TSPAN5: variants seen among roughly 807,000 people sequenced by gnomAD.
TSPAN5 encodes the protein tetraspanin 5, also known as tetraspanin-5.
A neutral mutation model predicts 37.1 loss-of-function variants in TSPAN5; 10 were observed. That is an observed-to-expected ratio of 0.27 (90% CI 0.17 to 0.46). The LOEUF (loss-of-function observed/expected upper bound fraction) is 0.46, where lower values mean the gene tolerates loss of function less well. Ranked by LOEUF, TSPAN5 falls within the 20% of genes least tolerant of loss-of-function variation. The pLI, the probability that TSPAN5 is intolerant of heterozygous loss-of-function variation, is 1.00. For synonymous variants in TSPAN5, 110 were observed against 118.9 expected, an observed-to-expected ratio of 0.93 and a Z score of 0.48; for missense variants, 195 against 326.6, an observed-to-expected ratio of 0.60 and a Z score of 3.11.
At position 98,658,130 on chromosome 4, in the gene TSPAN5, G is replaced by C. The variant is rs1757330484; in HGVS notation, c.81+16C>G. The C allele has an allele frequency of 6.2e-7, 1 of 1,605,426 alleles. No individual in the cohort carries two copies. The highest frequency in any genetic ancestry group is 2.2e-5 in the East Asian group (1 of 44,832). On this transcript the variant is annotated intron_variant, in intron 1 of 7. Coordinates refer to ENST00000305798, the MANE Select transcript of TSPAN5 (RefSeq NM_005723.4). ...TCGGCCACAATAGTTGGAATCCCAG[G>C]AGCGCTCCAACTTACCCAAAATATG...
chr4:98,533,541 A>ATTTTTTTTTTTTTTTTTT (rs1754149539), intron 1 of TSPAN5, among the ~76,000 whole-genome samples: 1 of 33,414 alleles, frequency 3.0e-5, no homozygotes, highest in African/African-American at 2.4e-4. Flanking sequence ...TATCCCCTAT[A>ATTTTTTTTTTTTTTTTTT]TCTTTTTTTT....
At chr4:98,626,886 G>GTTTTTTTTTTTTTTTTT (rs34770397) in intron 1 of TSPAN5, among the ~76,000 whole-genome samples, 4 of 83,484 alleles carry the variant, frequency 4.8e-5, no homozygotes, top group African/African-American at 1.5e-4. Flanking sequence ...ATGAGAGCAG[G>GTTTTTTTTTTTTTTTTT]TTTTTTTTTT....
At chr4:98,591,061 TTTTTTTTG>T (rs1168915951) in intron 1 of TSPAN5, among the ~76,000 whole-genome samples, 3 of 148,692 alleles carry the variant, frequency 2.0e-5, no homozygotes, top group Non-Finnish European at 3.0e-5. Context: ...ATGCTTTTCC[TTTTTTTTG>T]TTTTTTTGTT....
chr4:98,585,776 T>C (rs1386493247), intron 1 of TSPAN5, among the ~76,000 whole-genome samples: 1 of 152,250 alleles, frequency 6.6e-6, no homozygotes, highest in African/African-American at 2.4e-5. Context: ...TTTTCTAGTC[T>C]AGACTGCCCC....
intron 1 of TSPAN5, among the ~76,000 whole-genome samples, chr4:98,556,093 T>C (rs1181237475): frequency 1.5e-5 from 2 of 130,424 alleles, no homozygotes; most frequent in African/African-American, 5.8e-5. Context: ...AGCACTGAAC[T>C]GGCATCTTCA....
intron 1 of TSPAN5, among the ~76,000 whole-genome samples, chr4:98,523,448 T>C (rs1250975573): frequency 6.6e-6 from 1 of 152,222 alleles, no homozygotes; most frequent in East Asian, 1.9e-4. Context: ...TTATGGTTTT[T>C]TTTTGAGACA....
intron 2 of TSPAN5, among the ~76,000 whole-genome samples, chr4:98,489,418 A>T (rs534134501): frequency 1.3e-5 from 2 of 152,312 alleles, no homozygotes; most frequent in African/African-American, 4.8e-5. Context: ...GGGGAGGGAC[A>T]ATGATCGAGA....
At chr4:98,566,110 G>C (rs1754998988) in intron 1 of TSPAN5, among the ~76,000 whole-genome samples, 1 of 152,124 alleles carries the variant, frequency 6.6e-6, no homozygotes, top group Non-Finnish European at 1.5e-5. Flanking sequence ...TCTATTTCAG[G>C]GAACCGGTGA....
At chr4:98,656,453 C>T (rs1377568747) in intron 1 of TSPAN5, among the ~76,000 whole-genome samples, 2 of 152,206 alleles carry the variant, frequency 1.3e-5, no homozygotes, top group Non-Finnish European at 2.9e-5. Flanking sequence ...CTCCAAGTCA[C>T]AAAGTTTCAA....
chr4:98,475,785 C>T (rs1033282152), intron 7 of TSPAN5, among the ~76,000 whole-genome samples: 2 of 152,028 alleles, frequency 1.3e-5, no homozygotes, highest in Non-Finnish European at 1.5e-5. Context: ...GTCAGGAGAT[C>T]GAGACCATCC....
intron 1 of TSPAN5, among the ~76,000 whole-genome samples, chr4:98,616,105 C>T (rs990556097): frequency 6.6e-6 from 1 of 152,052 alleles, no homozygotes; most frequent in African/African-American, 2.4e-5. Context: ...TCTGCTTGTC[C>T]TTTTCCCTCA....
chr4:98,526,887 C>T (rs28550027), intron 1 of TSPAN5, among the ~76,000 whole-genome samples: 4,651 of 152,192 alleles, frequency 0.031, 102 homozygotes, highest in East Asian at 0.069. Flanking sequence ...AGCTTTTTAG[C>T]CTCATGTAAA....
At chr4:98,616,469 G>A (rs1756339957) in intron 1 of TSPAN5, among the ~76,000 whole-genome samples, 1 of 152,068 alleles carries the variant, frequency 6.6e-6, no homozygotes, top group Admixed American at 6.6e-5. Flanking sequence ...TTTACCTAGT[G>A]TCACTCTGAC....
At chr4:98,482,274 G>T in intron 3 of TSPAN5, 99 bp from the exon 4 acceptor site, 1 of 1,038,402 alleles carries the variant, frequency 9.6e-7, no homozygotes, top group Non-Finnish European at 1.4e-6. Flanking sequence ...AATTACATTG[G>T]ATTGTTACAC....
rs530315841 is a variant in TSPAN5, at chr4:98,500,247, G to A, written c.132+7431C>T. 5 of 152,112 alleles carry A rather than the reference G, an allele frequency of 3.3e-5. No homozygotes were observed. In the South Asian group the frequency reaches 1.0e-3, roughly 32 times the overall value. The allele number at this position is 152,112 out of a possible 1,614,324, so 9.4% of individuals were successfully genotyped here. A position where few individuals can be genotyped will look rare whatever the true frequency, so the allele number is the denominator to read the frequency against. On this transcript the variant is annotated intron_variant, in intron 2 of 7. Transcript: ENST00000305798. ...GAATCTCACTGAATTTTCCTTCCTC[G>A]GCAAATAGGGAAAGGTTTTCCAAGG...
chr4:98,511,061 G>C (rs1310620898), intron 1 of TSPAN5, among the ~76,000 whole-genome samples: 1 of 152,140 alleles, frequency 6.6e-6, no homozygotes, highest in African/African-American at 2.4e-5. Context: ...AGGCCCACTT[G>C]CAGGAAATAG....
At chr4:98,553,832 TG>T (rs1357729762) in intron 1 of TSPAN5, among the ~76,000 whole-genome samples, 1 of 152,106 alleles carries the variant, frequency 6.6e-6, no homozygotes, top group Admixed American at 6.5e-5. Context: ...TTTAGGAGGC[TG>T]AGGCAAGTGG....
intron 2 of TSPAN5, among the ~76,000 whole-genome samples, chr4:98,487,911 T>G (rs965436397): frequency 2.6e-5 from 4 of 152,140 alleles, no homozygotes; most frequent in African/African-American, 9.7e-5. Context: ...AAGATTATTT[T>G]GAAACTGTGG....
chr4:98,482,341 C>T (rs566627059), intron 3 of TSPAN5, 166 bp from the exon 4 acceptor site: 2 of 566,366 alleles, frequency 3.5e-6, no homozygotes, highest in East Asian at 3.1e-5. Context: ...ATATTACACT[C>T]CAAGAAAGGA....
Sources: gnomAD v4.1 joint callset for allele counts (sites outside exome capture counted in the v4.1 genomes callset) on GRCh38, gnomAD v4.1.1 for gene constraint, MANE v1.5 for transcripts, NCBI Gene and HGNC (gene_info 2026-07-23, HGNC 2026-07-21) for gene names.